Variants in VAV2 observed in about 807,000 individuals in gnomAD.
The protein encoded by VAV2 is guanine nucleotide exchange factor VAV2.
Under a neutral mutation model 132.5 loss-of-function variants are expected in VAV2, and 67 were observed. That is an observed-to-expected ratio of 0.51 (90% confidence interval 0.42 to 0.62). The LOEUF (loss-of-function observed/expected upper bound fraction) is 0.62, where lower values mean the gene tolerates loss of function less well. Among genes scored for constraint, VAV2 ranks in the 20% least tolerant of loss-of-function variants. The pLI is 0.00. For missense variants in VAV2, 938 were observed against 1,153.6 expected, an observed-to-expected ratio of 0.81 and a Z score of 2.71; for synonymous variants, 492 against 443.5, an observed-to-expected ratio of 1.11 and a Z score of -1.37.
chr9:133,869,994 G>A (rs1325669365), intron 2 of VAV2, among the ~76,000 whole-genome samples: 1 of 152,190 alleles, frequency 6.6e-6, no homozygotes, highest in African/African-American at 2.4e-5. Context: ...CTCAGCCTGT[G>A]TTATCCTTCA....
At chr9:133,916,553 T>TG (rs1417893817) in intron 2 of VAV2, among the ~76,000 whole-genome samples, 1 of 149,844 alleles carries the variant, frequency 6.7e-6, no homozygotes, top group South Asian at 2.1e-4. Context: ...GCTGGGTGAG[T>TG]GGGGGTCTCA....
rs202224549 is a variant in VAV2 at position 133,796,007 on chromosome 9, G to A, written c.1033-271C>T. 2.2e-4 allele frequency among the ~76,000 whole-genome samples: 33 copies of A among 152,392 alleles called. No homozygotes were observed. The East Asian group carries it at 6.0e-3, about 28-fold the overall frequency. On this transcript the variant is annotated intron_variant, in intron 11 of 29. Transcript: ENST00000371850. Reference sequence around the variant, plus strand: ...AGAAGGGCCATGAAGGCAGCAAAAAGCAAGGCGCTGTGCCAGCATTCCACG... The same window carrying A: ...AGAAGGGCCATGAAGGCAGCAAAAAACAAGGCGCTGTGCCAGCATTCCACG...
Position 133,804,160 on chromosome 9 carries a change from A to G in VAV2, c.836+1921T>C, listed in dbSNP as rs2131660997. Among the ~76,000 whole-genome samples, 1 of 152,354 alleles carries G rather than the reference A, an allele frequency of 6.6e-6. No individual in the cohort carries two copies. The highest frequency in any genetic ancestry group is 3.4e-3 in the Middle Eastern group (1 of 294). ...CCTATAAAAGCTTCAGGACTCAGCC[A>G]GCAAGCAAGAACCAGGACCTTGGGG... On this transcript the variant is annotated intron_variant, in intron 9 of 29. Transcript: ENST00000371850. This position sits in a 1 kb window ranked among gnomAD's most constrained non-coding sequence, Gnocchi z 4.5.
intron 19 of VAV2, among the ~76,000 whole-genome samples, 177 bp from the exon 20 acceptor site, chr9:133,780,887 G>A (rs1833985090): frequency 6.6e-6 from 1 of 152,234 alleles, no homozygotes; most frequent in African/African-American, 2.4e-5. Context: ...GCTCATGGCT[G>A]TGAAAGCCTC....
At chr9:133,948,123 G>T (rs922130467) in intron 1 of VAV2, among the ~76,000 whole-genome samples, 1 of 152,286 alleles carries the variant, frequency 6.6e-6, no homozygotes, top group East Asian at 1.9e-4. Flanking sequence ...GCTGCAGTGC[G>T]GGGCTCCCAA....
At chr9:133,978,891 C>T (rs1842600224) in intron 1 of VAV2, among the ~76,000 whole-genome samples, 1 of 152,228 alleles carries the variant, frequency 6.6e-6, no homozygotes, top group African/African-American at 2.4e-5. Flanking sequence ...CACGAAGCTT[C>T]AGGGGACCAA....
chr9:133,825,160 G>A (rs2486340), intron 4 of VAV2, among the ~76,000 whole-genome samples: 10,269 of 148,656 alleles, frequency 0.069, 1,139 homozygotes, highest in African/African-American at 0.24. Flanking sequence ...ACAATGCCAC[G>A]GTCCAGCCAG....
intron 3 of VAV2, among the ~76,000 whole-genome samples, chr9:133,847,786 C>T (rs1003484026): frequency 3.3e-5 from 5 of 152,176 alleles, no homozygotes; most frequent in South Asian, 2.1e-4. Flanking sequence ...AATGAGCTGA[C>T]GCCTGGGAGG....
Position 133,791,637 on chromosome 9 carries a change from A to G in VAV2, c.1188+146T>C. On this transcript the variant is annotated intron_variant, in intron 13 of 29. Coordinates refer to ENST00000371850, the MANE Select transcript of VAV2 (RefSeq NM_001134398.2). ...GTGGATGCTGGGGGTCTGAGATCAA[A>G]CTCAGAAGTTGCCGGGCACCAGCCT... The G allele has an allele frequency of 4.3e-6, 3 of 703,864 alleles. No individual in the cohort carries two copies. The South Asian group carries it at 5.0e-5, about 12-fold the overall frequency. The allele number at this position is 703,864 out of a possible 1,614,324, so 43.6% of individuals were successfully genotyped here. A position where few individuals can be genotyped will look rare whatever the true frequency, so the allele number is the denominator to read the frequency against.
intron 2 of VAV2, among the ~76,000 whole-genome samples, chr9:133,915,969 A>G (rs1216506302): frequency 2.0e-5 from 2 of 101,050 alleles, no homozygotes; most frequent in Non-Finnish European, 4.7e-5. Flanking sequence ...ACACGTACAC[A>G]TACACACTCA....
intron 2 of VAV2, among the ~76,000 whole-genome samples, chr9:133,934,822 C>T (rs1840845570): frequency 6.6e-6 from 1 of 152,228 alleles, no homozygotes; most frequent in Non-Finnish European, 1.5e-5. Flanking sequence ...TCCTAATCGG[C>T]CCCTCTTGTC....
intron 3 of VAV2, 57 bp downstream of exon 3, chr9:133,861,317 C>G (rs1837584241): frequency 6.4e-7 from 1 of 1,555,094 alleles, no homozygotes; most frequent in Non-Finnish European, 8.7e-7. Flanking sequence ...ACAAGGCACG[C>G]TGGTGTCGAT....
Position 133,861,360 on chromosome 9 carries a change from T to C in VAV2, c.380+14A>G, listed in dbSNP as rs773194082. Reference sequence around the variant, plus strand: ...AAAGGACCCGGCCTTGGCAGCGCACTCCGGAGAGCTCACCTGATCCCTTTG... The same window carrying C: ...AAAGGACCCGGCCTTGGCAGCGCACCCCGGAGAGCTCACCTGATCCCTTTG... On this transcript the variant is annotated intron_variant, in intron 3 of 29. Coordinates refer to ENST00000371850, the MANE Select transcript of VAV2 (RefSeq NM_001134398.2). 9 of 1,608,710 alleles carry C rather than the reference T, an allele frequency of 5.6e-6. No individual in the cohort carries two copies. Among genetic ancestry groups the C allele is most frequent in the Non-Finnish European group, 7.6e-6 (9 of 1,177,014 alleles).
chr9:133,915,074 A>T (rs2810506), intron 2 of VAV2, among the ~76,000 whole-genome samples: 2,191 of 152,166 alleles, frequency 0.014, 39 homozygotes, highest in African/African-American at 0.049. Context: ...GCTTTGAAAC[A>T]GGCCGCTTGG....
At chr9:133,873,826 T>C (rs190107921) in intron 2 of VAV2, among the ~76,000 whole-genome samples, 247 of 152,278 alleles carry the variant, frequency 1.6e-3, no homozygotes, top group African/African-American at 5.8e-3. Flanking sequence ...GCTGGGAAGA[T>C]GCAAGAGCTT....
At chr9:133,929,909 T>C (rs1840617909) in intron 2 of VAV2, among the ~76,000 whole-genome samples, 1 of 152,188 alleles carries the variant, frequency 6.6e-6, no homozygotes, top group Non-Finnish European at 1.5e-5. Flanking sequence ...GTTTTTACCC[T>C]CTTCAGAACC....
intron 20 of VAV2, 25 bp downstream of exon 20, chr9:133,780,669 G>A: frequency 1.6e-6 from 2 of 1,289,566 alleles, no homozygotes; most frequent in Non-Finnish European, 2.0e-6. Flanking sequence ...GGGGCAGAGG[G>A]AGGGGAAACA....
chr9:133,968,462 C>T (rs1842218745), intron 1 of VAV2, among the ~76,000 whole-genome samples: 1 of 152,238 alleles, frequency 6.6e-6, no homozygotes, highest in African/African-American at 2.4e-5. Context: ...CTCAGAGATG[C>T]AGTTGTCAAA....
intron 2 of VAV2, among the ~76,000 whole-genome samples, chr9:133,881,177 C>T (rs1475846283): frequency 6.6e-6 from 1 of 152,266 alleles, no homozygotes; most frequent in Non-Finnish European, 1.5e-5. Context: ...GGCTTCCCAC[C>T]ATACGACCCG....
Sources: gnomAD v4.1 joint callset for allele counts (sites outside exome capture counted in the v4.1 genomes callset) on GRCh38, gnomAD v4.1.1 for gene constraint, Gnocchi (gnomAD v3.1) non-coding constraint, MANE v1.5 for transcripts, NCBI Gene and HGNC (gene_info 2026-07-23, HGNC 2026-07-21) for gene names.